Variants in NRG3 observed in about 807,000 individuals in gnomAD.
NRG3 encodes the protein neuregulin 3.
A neutral mutation model predicts 66.9 loss-of-function variants in NRG3; 31 were observed. That is an observed-to-expected ratio of 0.46 (90% CI 0.35 to 0.63). NRG3 has a LOEUF of 0.63. NRG3 is among the 20% of genes least tolerant of loss of function. The pLI, the probability that NRG3 is intolerant of heterozygous loss-of-function variation, is 0.00. For missense variants in NRG3, 910 were observed against 878.9 expected, an observed-to-expected ratio of 1.04 and a Z score of -0.45; for synonymous variants, 393 against 359.4, an observed-to-expected ratio of 1.09 and a Z score of -1.06.
intron 2 of NRG3, among the ~76,000 whole-genome samples, chr10:82,621,530 G>A (rs1402132626): frequency 6.6e-6 from 1 of 152,170 alleles, no homozygotes; most frequent in Non-Finnish European, 1.5e-5. Flanking sequence ...TTGGCTGTTA[G>A]TATCATCTGA....
chr10:82,226,804 C>T (rs1248172913), intron 1 of NRG3, among the ~76,000 whole-genome samples: 1 of 152,066 alleles, frequency 6.6e-6, no homozygotes, highest in Non-Finnish European at 1.5e-5. Flanking sequence ...ATTCAAATTC[C>T]CCATCTATTG....
chr10:82,475,800 A>C (rs376026317), intron 2 of NRG3, among the ~76,000 whole-genome samples: 11 of 152,214 alleles, frequency 7.2e-5, no homozygotes, highest in East Asian at 5.8e-4. Flanking sequence ...TTTGGAAATG[A>C]CATCAAAGCC....
chr10:82,403,556 A>G (rs890131608), intron 2 of NRG3, among the ~76,000 whole-genome samples: 3 of 152,178 alleles, frequency 2.0e-5, no homozygotes, highest in African/African-American at 7.2e-5. Context: ...ATTTTCCCCA[A>G]TGACATCTAT....
At chr10:82,676,349 A>G (rs1255873087) in intron 2 of NRG3, among the ~76,000 whole-genome samples, 1 of 152,170 alleles carries the variant, frequency 6.6e-6, no homozygotes, top group East Asian at 1.9e-4. Flanking sequence ...TTTTCCTGCT[A>G]AGGGTGTTTG....
chr10:82,874,374 G>A (rs1450703864), intron 4 of NRG3, among the ~76,000 whole-genome samples: 8 of 150,522 alleles, frequency 5.3e-5, no homozygotes, highest in Non-Finnish European at 7.4e-5. Context: ...GTGAACTGGC[G>A]TTAGAGATAG....
At chr10:82,418,180 G>A (rs113152015) in intron 2 of NRG3, among the ~76,000 whole-genome samples, 222 of 152,274 alleles carry the variant, frequency 1.5e-3, no homozygotes, top group African/African-American at 5.0e-3. Context: ...GTAAGTTTAG[G>A]GAGAAAGGCA....
intron 2 of NRG3, among the ~76,000 whole-genome samples, chr10:82,673,472 A>G (rs1484366445): frequency 1.3e-5 from 2 of 152,226 alleles, no homozygotes; most frequent in African/African-American, 2.4e-5. Context: ...TTAAAGTGGC[A>G]ATTTCTAAGA....
At chr10:82,724,516 T>G (rs993645742) in intron 2 of NRG3, among the ~76,000 whole-genome samples, 1 of 152,210 alleles carries the variant, frequency 6.6e-6, no homozygotes, top group African/African-American at 2.4e-5. Flanking sequence ...TGCTGTTGAA[T>G]GAGGGTTTGG....
intron 1 of NRG3, among the ~76,000 whole-genome samples, chr10:82,142,299 G>C (rs559248452): frequency 1.4e-4 from 22 of 152,284 alleles, no homozygotes; most frequent in Non-Finnish European, 2.8e-4. Context: ...CTGACACTCT[G>C]TGGGAAAACA....
chr10:82,405,263 G>A (rs187610630), intron 2 of NRG3, among the ~76,000 whole-genome samples: 2 of 152,048 alleles, frequency 1.3e-5, no homozygotes, highest in African/African-American at 2.4e-5. Flanking sequence ...AGGGGCAAGC[G>A]CATCTAAGGG....
intron 2 of NRG3, among the ~76,000 whole-genome samples, chr10:82,711,047 CA>C (rs2134393595): frequency 6.6e-6 from 1 of 152,266 alleles, no homozygotes; most frequent in Admixed American, 6.5e-5. Context: ...GGTGGGATTA[CA>C]GTCCTGAGCT....
At chr10:82,456,550 G>C (rs1263368065) in intron 2 of NRG3, among the ~76,000 whole-genome samples, 1 of 152,016 alleles carries the variant, frequency 6.6e-6, no homozygotes, top group Non-Finnish European at 1.5e-5. Flanking sequence ...CTAGGTAATA[G>C]AAATTTTTCA....
At chr10:82,623,584 TCC>T (rs1345231823) in intron 2 of NRG3, among the ~76,000 whole-genome samples, 1 of 152,144 alleles carries the variant, frequency 6.6e-6, no homozygotes, top group Non-Finnish European at 1.5e-5. Context: ...GACCCAGTCT[TCC>T]TAGAGTTTTC....
chr10:82,758,461 A>C (rs1475087924), intron 3 of NRG3, among the ~76,000 whole-genome samples: 1 of 152,146 alleles, frequency 6.6e-6, no homozygotes, highest in East Asian at 1.9e-4. Context: ...CAATGAATAC[A>C]AATTCTCTCA....
chr10:81,918,825 C>CAAAAAAAAAAAAA (rs754495264), intron 1 of NRG3, among the ~76,000 whole-genome samples: 1 of 145,096 alleles, frequency 6.9e-6, no homozygotes, highest in African/African-American at 2.8e-5. Flanking sequence ...TTGCAAAAAA[C>CAAAAAAAAAAAAA]AAAAACAAAC....
At chr10:82,169,358 C>G (rs930236285) in intron 1 of NRG3, among the ~76,000 whole-genome samples, 15 of 151,808 alleles carry the variant, frequency 9.9e-5, no homozygotes, top group Non-Finnish European at 4.4e-5. Context: ...TTTTAAAGAT[C>G]TGGTATTTTC....
intron 2 of NRG3, among the ~76,000 whole-genome samples, chr10:82,449,290 AG>A (rs2090902747): frequency 6.6e-6 from 1 of 152,208 alleles, no homozygotes; most frequent in Non-Finnish European, 1.5e-5. Context: ...AAGAATGTCT[AG>A]TGGACATTTT....
At chr10:82,728,680 A>G (rs2057741021) in intron 2 of NRG3, among the ~76,000 whole-genome samples, 1 of 152,214 alleles carries the variant, frequency 6.6e-6, no homozygotes, top group African/African-American at 2.4e-5. Context: ...ATTCTGAGCA[A>G]GTAGAGACAA....
At chr10:82,511,815 A>T (rs546683587) in intron 2 of NRG3, among the ~76,000 whole-genome samples, 3 of 152,136 alleles carry the variant, frequency 2.0e-5, no homozygotes, top group Admixed American at 1.3e-4. Flanking sequence ...AAACTATCAG[A>T]CACCTCAGCT....
Sources: allele counts gnomAD v4.1 joint callset (sites outside exome capture counted in the v4.1 genomes callset), GRCh38; gene constraint gnomAD v4.1.1; transcripts MANE v1.5; gene names NCBI Gene and HGNC (gene_info 2026-07-23, HGNC 2026-07-21).